The following SETBP1 variants were observed in gnomAD, a reference collection of about 807,000 sequenced individuals.
SETBP1 encodes SET-binding protein.
Under a neutral mutation model 101.0 loss-of-function variants are expected in SETBP1, and 9 were observed. The ratio of observed to expected loss-of-function variants is 0.09; its 90% confidence interval spans 0.05 to 0.16. The LOEUF (loss-of-function observed/expected upper bound fraction) is 0.16, where lower values mean the gene tolerates loss of function less well. Ranked by LOEUF, SETBP1 falls within the 10% of genes least tolerant of loss-of-function variation. The pLI is 1.00. For missense variants in SETBP1, 1,858 were observed against 2,033.8 expected (o/e 0.91, Z 1.66); for synonymous variants, 818 against 788.5 (o/e 1.04, Z -0.63).
intron 2 of SETBP1, among the ~76,000 whole-genome samples, chr18:44,824,587 A>G (rs28631418): frequency 0.028 from 4,239 of 152,318 alleles, 204 homozygotes; most frequent in African/African-American, 0.096. Context: ...TGACGGTGTA[A>G]CATAACACTG....
chr18:44,695,752 T>C (rs933328699), intron 1 of SETBP1, among the ~76,000 whole-genome samples: 1 of 152,202 alleles, frequency 6.6e-6, no homozygotes, highest in African/African-American at 2.4e-5. Flanking sequence ...GTGTTGTTCA[T>C]GTGTTTATTT....
chr18:44,928,207 G>A (rs575673519), intron 3 of SETBP1, among the ~76,000 whole-genome samples: 1 of 152,166 alleles, frequency 6.6e-6, no homozygotes. Flanking sequence ...GTGATAGTTT[G>A]CTCAGAATGA....
intron 2 of SETBP1, among the ~76,000 whole-genome samples, chr18:44,781,565 T>A (rs2071132255): frequency 6.7e-6 from 1 of 149,946 alleles, no homozygotes. Flanking sequence ...TTTTCATTTA[T>A]GTATCCCTAT....
chr18:45,010,338 G>A (rs1253656210), intron 4 of SETBP1, among the ~76,000 whole-genome samples: 1 of 152,200 alleles, frequency 6.6e-6, no homozygotes, highest in East Asian at 1.9e-4. Context: ...CTCAATTTAG[G>A]AGGAAGCATA....
intron 2 of SETBP1, among the ~76,000 whole-genome samples, chr18:44,742,220 G>A (rs2070114854): frequency 6.6e-6 from 1 of 152,196 alleles, no homozygotes; most frequent in Admixed American, 6.5e-5. Flanking sequence ...CAAGAGAGGA[G>A]AGTTATGCAG....
intron 2 of SETBP1, among the ~76,000 whole-genome samples, chr18:44,793,524 C>T (rs949104354): frequency 4.6e-5 from 7 of 152,204 alleles, no homozygotes; most frequent in African/African-American, 1.7e-4. Flanking sequence ...TGGACCCCAC[C>T]CCAGACATAC....
rs759889263 is a variant in SETBP1 at position 44,714,619 on chromosome 18, T to C, written c.486+12787T>C. Among the ~76,000 whole-genome samples the C allele has an allele frequency of 1.1e-4, 16 of 151,976 alleles. No individual in the cohort carries two copies. The East Asian group carries it at 2.7e-3, about 26-fold the overall frequency. On this transcript the variant is annotated intron_variant, in intron 2 of 5. Transcript: ENST00000649279. ...GTCTCTCGGGGTGTGTGTATGTGTGTGTGTGCGCATGCACGTGTGAGCGCT... is the reference window on the plus strand; with the variant it reads ...GTCTCTCGGGGTGTGTGTATGTGTGCGTGTGCGCATGCACGTGTGAGCGCT...
intron 2 of SETBP1, among the ~76,000 whole-genome samples, chr18:44,776,065 G>A (rs966753250): frequency 1.1e-4 from 17 of 152,290 alleles, no homozygotes; most frequent in East Asian, 3.9e-4. Context: ...TATGAAGTCC[G>A]GAGGTGTGGC....
chr18:44,688,536 TC>T (rs1198172561), intron 1 of SETBP1, among the ~76,000 whole-genome samples: 3 of 151,004 alleles, frequency 2.0e-5, no homozygotes, highest in African/African-American at 7.3e-5. Context: ...CACTGCAACC[TC>T]CACCTCCTGG....
intron 2 of SETBP1, among the ~76,000 whole-genome samples, chr18:44,797,473 T>C (rs1169445351): frequency 6.6e-6 from 1 of 152,204 alleles, no homozygotes. Flanking sequence ...TCATGACTTA[T>C]TCTCTGTTAA....
At chr18:44,830,862 A>G (rs945693593) in intron 2 of SETBP1, among the ~76,000 whole-genome samples, 2 of 152,238 alleles carry the variant, frequency 1.3e-5, no homozygotes, top group African/African-American at 4.8e-5. Context: ...AAAAGTCTGG[A>G]TTCACAAAAC....
At chr18:44,891,275 G>A (rs750725787) in intron 3 of SETBP1, among the ~76,000 whole-genome samples, 3 of 152,046 alleles carry the variant, frequency 2.0e-5, no homozygotes, top group Admixed American at 6.6e-5. Flanking sequence ...ATGAGATTTG[G>A]GTGGGGACAC....
chr18:44,885,844 AAAAAAAAAAAAAC>A (rs774446107), intron 3 of SETBP1, among the ~76,000 whole-genome samples: 8,345 of 81,588 alleles, frequency 0.1, 1,204 homozygotes, highest in African/African-American at 0.31. Flanking sequence ...CATTTCATTA[AAAAAAAAAAAAAC>A]AAAAAAAAAA....
At chr18:44,724,206 G>A (rs117806971) in intron 2 of SETBP1, among the ~76,000 whole-genome samples, 1 of 152,206 alleles carries the variant, frequency 6.6e-6, no homozygotes, top group Non-Finnish European at 1.5e-5. Context: ...CAGGGAAGTT[G>A]CAGTGGTTAG....
chr18:44,983,148 G>A (rs1321357621), intron 4 of SETBP1, among the ~76,000 whole-genome samples: 2 of 152,056 alleles, frequency 1.3e-5, no homozygotes, highest in Non-Finnish European at 2.9e-5. Flanking sequence ...AAAAATGAGA[G>A]GAGAGAGAAC....
intron 5 of SETBP1, among the ~76,000 whole-genome samples, chr18:45,047,817 T>A (rs2073642158): frequency 6.6e-6 from 1 of 151,906 alleles, no homozygotes; most frequent in Non-Finnish European, 1.5e-5. Context: ...GGACAGAGAA[T>A]AGAGTAAAGA....
intron 3 of SETBP1, among the ~76,000 whole-genome samples, chr18:44,875,967 C>G (rs2069393604): frequency 6.6e-6 from 1 of 152,220 alleles, no homozygotes. Context: ...GGACAAGTGG[C>G]TGCACCTTCG....
intron 4 of SETBP1, among the ~76,000 whole-genome samples, chr18:45,030,947 C>A (rs2073284135): frequency 6.6e-6 from 1 of 151,762 alleles, no homozygotes; most frequent in African/African-American, 2.4e-5. Flanking sequence ...TTTTGTTGAT[C>A]CTTTCAAAAA....
chr18:44,724,708 G>A (rs1244675396), intron 2 of SETBP1, among the ~76,000 whole-genome samples: 1 of 152,120 alleles, frequency 6.6e-6, no homozygotes, highest in African/African-American at 2.4e-5. Flanking sequence ...AGAGGACAGG[G>A]TCAAGGGTTA....
Sources: allele counts gnomAD v4.1 joint callset (sites outside exome capture counted in the v4.1 genomes callset), GRCh38; gene constraint gnomAD v4.1.1; transcripts MANE v1.5; gene names NCBI Gene and HGNC (gene_info 2026-07-23, HGNC 2026-07-21).